Variants in CABIN1 observed in about 807,000 individuals in gnomAD.
CABIN1 encodes the protein calcineurin binding protein 1, also known as calcineurin-binding protein cabin-1.
A neutral mutation model predicts 227.7 loss-of-function variants in CABIN1; 133 were observed. The ratio of observed to expected loss-of-function variants is 0.58; its 90% CI spans 0.51 to 0.67. The LOEUF is 0.67. CABIN1 is among the 30% of genes least tolerant of loss of function. The pLI is 0.00. For missense variants in CABIN1, 2,408 were observed against 2,852.5 expected (o/e 0.84, Z 3.55); for synonymous variants, 1,086 against 1,155.1 (o/e 0.94, Z 1.21).
At chr22:24,080,871 C>T (rs1325142820) in intron 19 of CABIN1, among the ~76,000 whole-genome samples, 7 of 152,138 alleles carry the variant, frequency 4.6e-5, no homozygotes, top group Admixed American at 6.5e-5. Flanking sequence ...ATATCATCCA[C>T]GAATAACTAT....
chr22:24,071,840 C>G (rs1601913138), intron 17 of CABIN1, among the ~76,000 whole-genome samples: 1 of 152,296 alleles, frequency 6.6e-6, no homozygotes, highest in African/African-American at 2.4e-5. Flanking sequence ...CCTGGGCTAC[C>G]CCCTGGGGTC....
Position 24,098,383 on chromosome 22 carries a change from G to T in CABIN1, c.4117+191G>T. On this transcript the variant is annotated intron_variant, in intron 26 of 36. Transcript: ENST00000263119. Reference sequence around the variant, plus strand: ...TTCTTGTGCTTCCGAGACATGCTCAGGGTCGCCACCTGCCAGCTTGCCCAC... The same window carrying T: ...TTCTTGTGCTTCCGAGACATGCTCATGGTCGCCACCTGCCAGCTTGCCCAC... The T allele has an allele frequency of 2.3e-6, 3 of 1,285,032 alleles. No individual in the cohort carries two copies. The South Asian group carries it at 4.2e-5, about 18-fold the overall frequency. 79.6% of individuals were successfully genotyped at this position (1,285,032 alleles called of 1,614,324 possible). A position where few individuals can be genotyped will look rare whatever the true frequency, so the allele number is the denominator to read the frequency against.
intron 1 of CABIN1, among the ~76,000 whole-genome samples, chr22:24,026,233 CA>C (rs1323719422): frequency 1.3e-5 from 2 of 152,150 alleles, no homozygotes; most frequent in Admixed American, 6.5e-5. Context: ...GTTGGCCTCC[CA>C]AAGTACTGGG....
chr22:24,065,811 G>T (rs556053634), intron 15 of CABIN1, among the ~76,000 whole-genome samples: 3 of 152,264 alleles, frequency 2.0e-5, no homozygotes, highest in Non-Finnish European at 4.4e-5. Context: ...AGACCAGCCC[G>T]GCCAACACAG....
At chr22:24,120,161 A>G (rs527851769) in intron 28 of CABIN1, among the ~76,000 whole-genome samples, 3 of 152,170 alleles carry the variant, frequency 2.0e-5, no homozygotes, top group Admixed American at 2.0e-4. Context: ...CTCCAGCTGC[A>G]TATTGCAGGG....
Position 24,178,552 on chromosome 22 carries a change from CA to C in CABIN1, c.*357del, listed in dbSNP as rs2047241067. On this transcript the variant is annotated 3_prime_UTR_variant, in exon 37 of 37. Coordinates refer to ENST00000263119, the MANE Select transcript of CABIN1 (RefSeq NM_012295.4). The stretch of plus-strand genomic sequence containing the variant: ...GGATGAGCCGGCTCTGCCTGTGTCA[CA>C]GTGGAGGGGTCCTTTAGGGCCAGGC... 1.7e-5 allele frequency: 6 copies of C among 351,862 alleles called. No homozygotes were observed. Among genetic ancestry groups the C allele is most frequent in the Non-Finnish European group, 2.2e-5 (4 of 182,840 alleles). 21.8% of individuals were successfully genotyped at this position (351,862 alleles called of 1,614,324 possible). A position where few individuals can be genotyped will look rare whatever the true frequency, so the allele number is the denominator to read the frequency against.
At chr22:24,169,572 G>C (rs1475383109) in intron 33 of CABIN1, among the ~76,000 whole-genome samples, 1 of 152,196 alleles carries the variant, frequency 6.6e-6, no homozygotes, top group African/African-American at 2.4e-5. Flanking sequence ...GACAGGGAGT[G>C]CCCCAACCCC....
intron 16 of CABIN1, among the ~76,000 whole-genome samples, chr22:24,070,006 C>G (rs912575378): frequency 6.6e-6 from 1 of 151,922 alleles, no homozygotes; most frequent in Admixed American, 6.6e-5. Flanking sequence ...GCTGTGTTTC[C>G]CCATGCACCA....
At chr22:24,122,744 G>C (rs2043494421) in intron 28 of CABIN1, among the ~76,000 whole-genome samples, 1 of 152,056 alleles carries the variant, frequency 6.6e-6, no homozygotes, top group African/African-American at 2.4e-5. Flanking sequence ...ATGCTCCAAT[G>C]AGCATTTCGT....
chr22:24,079,947 TTGAA>T (rs138005036), intron 19 of CABIN1, among the ~76,000 whole-genome samples: 267 of 152,328 alleles, frequency 1.8e-3, no homozygotes, highest in Middle Eastern at 3.4e-3. Flanking sequence ...ATTTTAAAAT[TTGAA>T]TGTCAAATTT....
At chr22:24,068,359 A>G (rs1601894160) in intron 16 of CABIN1, among the ~76,000 whole-genome samples, 1 of 152,162 alleles carries the variant, frequency 6.6e-6, no homozygotes, top group East Asian at 1.9e-4. Flanking sequence ...CCAGCATACC[A>G]GGAAGGGTGC....
Position 24,127,617 on chromosome 22 carries a change from G to T in CABIN1, c.4633-6685G>T, listed in dbSNP as rs544617810. Among the ~76,000 whole-genome samples, 3 of 152,262 alleles carry T rather than the reference G, an allele frequency of 2.0e-5. No homozygotes were observed. In the South Asian group the frequency reaches 6.2e-4, roughly 32 times the overall value. On this transcript the variant is annotated intron_variant, in intron 28 of 36. Coordinates refer to ENST00000263119, the MANE Select transcript of CABIN1 (RefSeq NM_012295.4). ...TACTGAATGATTCCACTTAGATGAG[G>T]TATGACGAGTAGCAGCCTGGCAGCG...
At position 24,166,800 on chromosome 22, in the gene CABIN1, C is replaced by A. The variant is rs142209089; in HGVS notation, c.5169C>A (p.Gly1723=). 6.2e-7 allele frequency: 1 copy of A among 1,612,906 alleles called. No individual in the cohort carries two copies. Among genetic ancestry groups the A allele is most frequent in the African/African-American group, 1.3e-5 (1 of 74,936 alleles). The change falls in exon 32 of 37, where the codon GGC becomes GGA. Residue 1723 remains glycine (G), a synonymous_variant. Coordinates refer to ENST00000263119, the MANE Select transcript of CABIN1 (RefSeq NM_012295.4). ...CAGGGCCAGGGCCCGAGCCAGGAGG[C>A]AAAGTGGGCCTCCTCAACCACCGGC... ...DGSGPGPEPG[G]KVGLLNHRPV... is the part of the protein sequence containing the mutation.
chr22:24,153,349 G>A (rs919442752), intron 29 of CABIN1, among the ~76,000 whole-genome samples: 4 of 152,158 alleles, frequency 2.6e-5, no homozygotes, highest in Admixed American at 1.3e-4. Context: ...CTCTCTCTGG[G>A]GCAGTGGTCA....
intron 29 of CABIN1, among the ~76,000 whole-genome samples, chr22:24,151,437 G>C (rs184605167): frequency 6.6e-6 from 1 of 152,124 alleles, no homozygotes; most frequent in Non-Finnish European, 1.5e-5. Flanking sequence ...TAGGGACCAG[G>C]GGTCAGAAGA....
In CABIN1 at chr22:24,170,737, C is replaced by T. The variant is rs548648986; in HGVS notation, c.5758-976C>T. Among the ~76,000 whole-genome samples, 8 of 144,140 alleles carry T rather than the reference C, an allele frequency of 5.6e-5. No individual in the cohort carries two copies. The South Asian group carries it at 1.8e-3, about 32-fold the overall frequency. 94.6% of individuals were successfully genotyped at this position (144,140 alleles called of 152,430 possible). On this transcript the variant is annotated intron_variant, in intron 33 of 36. Coordinates refer to ENST00000263119, the MANE Select transcript of CABIN1 (RefSeq NM_012295.4). ...CCAATGTCAGAAGAGACAGGGTCAT[C>T]GGTGGTAGCAAACTGCCCCCCCCCC...
rs778738441 is a variant in CABIN1 at position 24,041,280 on chromosome 22, T to C, written c.345+7T>C. On this transcript the variant is annotated splice_region_variant and intron_variant, in intron 5 of 36. Transcript: ENST00000263119. ...CATGGAGTTCTACTTAGAGGTGTGG[T>C]TTTGGCAGTGCTTAGCTACCTTGGT... 7 of 1,613,992 alleles carry C rather than the reference T, an allele frequency of 4.3e-6. No homozygotes were observed. In the South Asian group the frequency reaches 7.7e-5, roughly 18 times the overall value.
At chr22:24,137,303 C>T (rs955259243) in intron 29 of CABIN1, among the ~76,000 whole-genome samples, 2 of 152,178 alleles carry the variant, frequency 1.3e-5, no homozygotes, top group Non-Finnish European at 2.9e-5. Context: ...ATGCCTGCCC[C>T]GCAGAGCACA....
intron 5 of CABIN1, among the ~76,000 whole-genome samples, chr22:24,042,606 T>C (rs916169908): frequency 2.0e-5 from 3 of 152,146 alleles, no homozygotes; most frequent in African/African-American, 7.2e-5. Context: ...TTTTAAAAAA[T>C]TCTAAGTTAA....
Sources: gnomAD v4.1 joint callset for allele counts (sites outside exome capture counted in the v4.1 genomes callset) on GRCh38, gnomAD v4.1.1 for gene constraint, MANE v1.5 for transcripts, NCBI Gene and HGNC (gene_info 2026-07-23, HGNC 2026-07-21) for gene names.